AKAP6: variants seen among roughly 807,000 people sequenced by gnomAD.
AKAP6 encodes the protein A-kinase anchoring protein 6.
A neutral mutation model predicts 188.5 loss-of-function variants in AKAP6; 58 were observed. The observed-to-expected ratio is 0.31, with a 90% CI of 0.25 to 0.38. The LOEUF (loss-of-function observed/expected upper bound fraction) is 0.38, where lower values mean the gene tolerates loss of function less well. Ranked by LOEUF, AKAP6 falls within the 10% of genes least tolerant of loss-of-function variation. AKAP6 has a pLI of 1.00. For synonymous variants in AKAP6, 989 were observed against 998.6 expected (o/e 0.99, Z 0.18); for missense variants, 2,710 against 2,740.0 (o/e 0.99, Z 0.24).
chr14:32,757,751 G>A (rs2032392255), intron 11 of AKAP6, among the ~76,000 whole-genome samples: 1 of 152,212 alleles, frequency 6.6e-6, no homozygotes, highest in Non-Finnish European at 1.5e-5. Flanking sequence ...AAACATGCAA[G>A]TTGAGTAGGA....
intron 2 of AKAP6, among the ~76,000 whole-genome samples, chr14:32,485,311 C>T (rs1025581447): frequency 3.3e-5 from 5 of 151,866 alleles, no homozygotes; most frequent in Non-Finnish European, 7.4e-5. Context: ...GATTTATAAT[C>T]GTTTGAGTAT....
At chr14:32,759,631 G>A (rs1486494560) in intron 11 of AKAP6, among the ~76,000 whole-genome samples, 1 of 152,124 alleles carries the variant, frequency 6.6e-6, no homozygotes, top group Non-Finnish European at 1.5e-5. Context: ...CAGGAAGCAT[G>A]GTGCTGTCAT....
At chr14:32,771,837 C>A (rs574269414) in intron 11 of AKAP6, among the ~76,000 whole-genome samples, 1 of 152,128 alleles carries the variant, frequency 6.6e-6, no homozygotes, top group Non-Finnish European at 1.5e-5. Flanking sequence ...TAGGCCTTTA[C>A]GCTTAACAAG....
chr14:32,799,035 T>C (rs1455442692), intron 12 of AKAP6, among the ~76,000 whole-genome samples: 2 of 152,094 alleles, frequency 1.3e-5, no homozygotes, highest in African/African-American at 4.8e-5. Context: ...GTCTTATTTA[T>C]ATTTGTAATT....
At chr14:32,518,486 A>G (rs925268432) in intron 2 of AKAP6, among the ~76,000 whole-genome samples, 25 of 152,228 alleles carry the variant, frequency 1.6e-4, no homozygotes, top group African/African-American at 6.0e-4. Context: ...TAAACAGCAT[A>G]GAAAAGACCT....
chr14:32,582,965 A>G (rs1304316630), intron 5 of AKAP6, among the ~76,000 whole-genome samples: 2 of 152,070 alleles, frequency 1.3e-5, no homozygotes, highest in African/African-American at 2.4e-5. Flanking sequence ...TAGTTTGATC[A>G]TCTGAAGCCT....
intron 11 of AKAP6, among the ~76,000 whole-genome samples, chr14:32,755,314 C>T (rs2032289907): frequency 6.6e-6 from 1 of 151,248 alleles, no homozygotes; most frequent in Non-Finnish European, 1.5e-5. Flanking sequence ...TTGGTTCAGT[C>T]ATTATGTTAT....
At position 32,372,870 on chromosome 14, in the gene AKAP6, T is replaced by A. The variant is rs188333245; in HGVS notation, c.-35+43462T>A. Among the ~76,000 whole-genome samples, 87 of 151,364 alleles carry A rather than the reference T, an allele frequency of 5.7e-4. 1 individual carries two copies. Among genetic ancestry groups the A allele is most frequent in the Admixed American group, 4.0e-3 (60 of 15,174 alleles). On this transcript the variant is annotated intron_variant, in intron 1 of 13. Coordinates refer to ENST00000280979, the MANE Select transcript of AKAP6 (RefSeq NM_004274.5). Reference sequence around the variant, plus strand: ...GAAAAAGAAAGAGAGCGAGCGAGCATTATGGGATTTGGGTAGTTTTGGAAA... The same window carrying A: ...GAAAAAGAAAGAGAGCGAGCGAGCAATATGGGATTTGGGTAGTTTTGGAAA...
At chr14:32,385,848 TATATATG>T in intron 1 of AKAP6, among the ~76,000 whole-genome samples, 1 of 149,870 alleles carries the variant, frequency 6.7e-6, no homozygotes, top group South Asian at 2.1e-4. Flanking sequence ...GTATTCATCA[TATATATG>T]ATATATATCT....
chr14:32,595,320 GCC>G (rs1885649587), intron 5 of AKAP6, among the ~76,000 whole-genome samples: 1 of 151,866 alleles, frequency 6.6e-6, no homozygotes, highest in Admixed American at 6.6e-5. Context: ...CTTGCACCCT[GCC>G]CCAGCCACAC....
intron 2 of AKAP6, among the ~76,000 whole-genome samples, chr14:32,534,507 A>G (rs74041630): frequency 0.033 from 5,033 of 152,282 alleles, 249 homozygotes; most frequent in African/African-American, 0.11. Context: ...ACCTAATAGT[A>G]TGTGTCAAGG....
chr14:32,819,202 TC>T (rs1449642614), intron 12 of AKAP6, among the ~76,000 whole-genome samples: 2 of 152,186 alleles, frequency 1.3e-5, no homozygotes, highest in Non-Finnish European at 2.9e-5. Context: ...CTTAAAAATT[TC>T]CCTTAATTAA....
chr14:32,597,577 A>G (rs970326384), intron 5 of AKAP6, among the ~76,000 whole-genome samples: 1 of 152,200 alleles, frequency 6.6e-6, no homozygotes, highest in African/African-American at 2.4e-5. Context: ...TGGATTGATC[A>G]GAAGTATGAG....
At chr14:32,582,714 C>G (rs1885035668) in intron 5 of AKAP6, among the ~76,000 whole-genome samples, 1 of 152,068 alleles carries the variant, frequency 6.6e-6, no homozygotes, top group South Asian at 2.1e-4. Context: ...CTCTAAACTT[C>G]CCTTCTCGCT....
At position 32,821,933 on chromosome 14, in the gene AKAP6, A is replaced by T. The variant is rs771201346; in HGVS notation, c.4120A>T (p.Thr1374Ser). The T allele has an allele frequency of 2.5e-6, 4 of 1,613,926 alleles. No individual in the cohort carries two copies. The highest frequency in any genetic ancestry group is 3.4e-6 in the Non-Finnish European group (4 of 1,179,918). Residue 1374 changes from threonine (T) to serine (S), a missense_variant, in exon 13 of 14, where the codon ACC becomes TCC. Physicochemically the swap from Thr to Ser is moderately conservative, Grantham distance 58. Transcript: ENST00000280979. ...SGIVSEGDTE[T>S]TTNSEMCLLN... ...AATTGTCAGTGAAGGAGACACAGAA[A>T]CCACTACCAACTCTGAAATGTGCTT...
intron 2 of AKAP6, 121 bp downstream of exon 2, chr14:32,433,938 T>G (rs1341184886): frequency 1.1e-6 from 1 of 874,016 alleles, no homozygotes; most frequent in Non-Finnish European, 1.7e-6. Flanking sequence ...GTACCAGGTT[T>G]CAAACCATTA....
At chr14:32,502,679 C>T (rs1880663803) in intron 2 of AKAP6, among the ~76,000 whole-genome samples, 1 of 152,002 alleles carries the variant, frequency 6.6e-6, no homozygotes, top group African/African-American at 2.4e-5. Context: ...AATATATATT[C>T]TTAGTTTTCC....
At chr14:32,331,943 C>T (rs1471254986) in intron 1 of AKAP6, among the ~76,000 whole-genome samples, 1 of 151,972 alleles carries the variant, frequency 6.6e-6, no homozygotes, top group East Asian at 1.9e-4. Flanking sequence ...ATAACTAGGC[C>T]GCATAGGGAT....
intron 7 of AKAP6, among the ~76,000 whole-genome samples, chr14:32,611,174 T>G (rs1242286371): frequency 2.0e-5 from 3 of 152,110 alleles, no homozygotes. Context: ...TAACGATGAC[T>G]TAAAGGAATT....
Sources: gnomAD v4.1 joint callset for allele counts (sites outside exome capture counted in the v4.1 genomes callset) on GRCh38, gnomAD v4.1.1 for gene constraint, MANE v1.5 for transcripts, NCBI Gene and HGNC (gene_info 2026-07-23, HGNC 2026-07-21) for gene names.